Variants in KCNIP4 observed in about 807,000 individuals in gnomAD.
The protein encoded by KCNIP4 is potassium voltage-gated channel interacting protein 4.
In KCNIP4, 12 loss-of-function variants were observed where a neutral mutation model predicts 34.0. The ratio of observed to expected loss-of-function variants is 0.35; its 90% confidence interval spans 0.23 to 0.57. KCNIP4 has a LOEUF of 0.57. Among genes scored for constraint, KCNIP4 ranks in the 20% least tolerant of loss-of-function variants. KCNIP4 has a pLI of 0.83. For missense variants in KCNIP4, 238 were observed against 311.7 expected (o/e 0.76, Z 1.78); for synonymous variants, 124 against 102.2 (o/e 1.21, Z -1.29).
At chr4:21,419,570 G>A (rs906774034) in intron 1 of KCNIP4, among the ~76,000 whole-genome samples, 9 of 152,060 alleles carry the variant, frequency 5.9e-5, no homozygotes, top group Non-Finnish European at 1.3e-4. Flanking sequence ...ATAAAATTAT[G>A]TAGGTACAGT....
rs879623920 is a variant in KCNIP4, at chr4:21,304,045, GAGAGAGAGAGAGAGAGAGAGAGAC to G, written c.62-421360_62-421337del. On this transcript the variant is annotated intron_variant, in intron 1 of 8. Transcript: ENST00000382152. ...GGAGAGCGTATGAGAGAGAGAGAGA[GAGAGAGAGAGAGAGAGAGAGAGAC>G]AGAGAGAGAGAGAGAGACAGAGAGA... The G allele has an allele frequency of 9.0e-3, 5,115 of 569,130 alleles. 32 individuals are homozygous for G. The highest frequency in any genetic ancestry group is 0.025 in the Admixed American group (403 of 15,820). The allele number at this position is 569,130 out of a possible 1,614,324, so 35.3% of individuals were successfully genotyped here.
chr4:21,925,802 G>A (rs1380329712), intron 1 of KCNIP4, among the ~76,000 whole-genome samples: 3 of 152,138 alleles, frequency 2.0e-5, no homozygotes, highest in African/African-American at 4.8e-5. Context: ...CGATAAGAGA[G>A]ACTGGTGATC....
At chr4:21,813,468 T>G (rs1362844823) in intron 1 of KCNIP4, among the ~76,000 whole-genome samples, 1 of 152,180 alleles carries the variant, frequency 6.6e-6, no homozygotes. Context: ...AACAAGAAGT[T>G]GTTACCATCC....
intron 1 of KCNIP4, among the ~76,000 whole-genome samples, chr4:20,949,777 A>G (rs1732577686): frequency 6.7e-6 from 1 of 149,530 alleles, no homozygotes; most frequent in African/African-American, 2.5e-5. Context: ...CAAACACCGC[A>G]TATCCTCACA....
chr4:21,818,791 G>T (rs1346148787), intron 1 of KCNIP4, among the ~76,000 whole-genome samples: 1 of 152,116 alleles, frequency 6.6e-6, no homozygotes, highest in East Asian at 1.9e-4. Context: ...TCAAACAAAT[G>T]CTGAAAATGA....
At chr4:21,110,057 A>T (rs1749019592) in intron 1 of KCNIP4, among the ~76,000 whole-genome samples, 1 of 152,164 alleles carries the variant, frequency 6.6e-6, no homozygotes, top group African/African-American at 2.4e-5. Flanking sequence ...CTCTACTATT[A>T]ACTATGTTGC....
At chr4:21,062,530 ATGTGTG>A (rs3080754) in intron 1 of KCNIP4, among the ~76,000 whole-genome samples, 11 of 149,202 alleles carry the variant, frequency 7.4e-5, no homozygotes, top group Non-Finnish European at 3.0e-5. Flanking sequence ...GTGTGTGTGC[ATGTGTG>A]TGTGTGTGTG....
At chr4:21,803,607 C>G (rs769832625) in intron 1 of KCNIP4, among the ~76,000 whole-genome samples, 2 of 152,146 alleles carry the variant, frequency 1.3e-5, no homozygotes, top group Non-Finnish European at 2.9e-5. Context: ...TACTGGTCTT[C>G]TCTCAATGTC....
chr4:21,272,366 C>A (rs1334428596), intron 1 of KCNIP4, among the ~76,000 whole-genome samples: 1 of 152,006 alleles, frequency 6.6e-6, no homozygotes, highest in Non-Finnish European at 1.5e-5. Flanking sequence ...AATAATAGCT[C>A]ATGTTTATTG....
chr4:21,869,002 T>G (rs1328511926), intron 1 of KCNIP4, among the ~76,000 whole-genome samples: 3 of 152,196 alleles, frequency 2.0e-5, no homozygotes, highest in Admixed American at 2.0e-4. Context: ...GAGAAGCACC[T>G]CTTCACTTTC....
At chr4:21,247,735 GATATATATAT>G (rs58465908) in intron 1 of KCNIP4, among the ~76,000 whole-genome samples, 7 of 61,370 alleles carry the variant, frequency 1.1e-4, no homozygotes, top group East Asian at 3.6e-4. Flanking sequence ...TCCACAGGTG[GATATATATAT>G]ATATATATAT....
intron 2 of KCNIP4, among the ~76,000 whole-genome samples, chr4:20,877,029 C>A (rs1444136302): frequency 6.6e-6 from 1 of 151,964 alleles, no homozygotes; most frequent in African/African-American, 2.4e-5. Flanking sequence ...CTCCTTCTTT[C>A]TAAATGCTAC....
At chr4:21,129,717 T>G (rs1162038620) in intron 1 of KCNIP4, among the ~76,000 whole-genome samples, 1 of 152,146 alleles carries the variant, frequency 6.6e-6, no homozygotes, top group Non-Finnish European at 1.5e-5. Context: ...TTGGGGAATT[T>G]TTCTCACTTT....
intron 1 of KCNIP4, among the ~76,000 whole-genome samples, chr4:21,413,148 T>C (rs1219019627): frequency 1.3e-5 from 2 of 152,150 alleles, no homozygotes; most frequent in Non-Finnish European, 2.9e-5. Flanking sequence ...CATATTTTTA[T>C]TTGGTTGTTA....
At chr4:21,427,136 T>C (rs1234636965) in intron 1 of KCNIP4, among the ~76,000 whole-genome samples, 1 of 152,084 alleles carries the variant, frequency 6.6e-6, no homozygotes, top group Non-Finnish European at 1.5e-5. Flanking sequence ...ACAAGAAAAG[T>C]GGACCTCAGT....
chr4:21,476,479 C>T (rs1730988627), intron 1 of KCNIP4, among the ~76,000 whole-genome samples: 1 of 152,108 alleles, frequency 6.6e-6, no homozygotes, highest in South Asian at 2.1e-4. Context: ...CCTAAGGCCC[C>T]ATGTGAGGAT....
At position 21,329,850 on chromosome 4, in the gene KCNIP4, G is replaced by A. The variant is rs1021040052; in HGVS notation, c.62-447141C>T. The stretch of plus-strand genomic sequence containing the variant: ...GTTAGCCTAATTACTGTTATTCAAT[G>A]GGGAAGATGATATAAAAACAACCTA... On this transcript the variant is annotated intron_variant, in intron 1 of 8. Coordinates refer to ENST00000382152, the MANE Select transcript of KCNIP4 (RefSeq NM_025221.6). Among the ~76,000 whole-genome samples the A allele has an allele frequency of 3.9e-5, 6 of 152,128 alleles. 1 individual carries two copies. Among genetic ancestry groups the A allele is most frequent in the Admixed American group, 3.9e-4 (6 of 15,270 alleles).
At chr4:21,366,796 A>G (rs938590786) in intron 1 of KCNIP4, among the ~76,000 whole-genome samples, 1 of 151,942 alleles carries the variant, frequency 6.6e-6, no homozygotes, top group African/African-American at 2.4e-5. Context: ...GAGAGAAACA[A>G]AGAGAGAGAG....
chr4:21,900,068 T>C (rs1215310313), intron 1 of KCNIP4, among the ~76,000 whole-genome samples: 1 of 152,138 alleles, frequency 6.6e-6, no homozygotes, highest in African/African-American at 2.4e-5. Flanking sequence ...CACATAGACC[T>C]ATAGGATATT....
Sources: allele counts gnomAD v4.1 joint callset (sites outside exome capture counted in the v4.1 genomes callset), GRCh38; gene constraint gnomAD v4.1.1; transcripts MANE v1.5; gene names NCBI Gene and HGNC (gene_info 2026-07-23, HGNC 2026-07-21).